The following RBFOX3 variants were observed in gnomAD, a reference collection of about 807,000 sequenced individuals.
RBFOX3 encodes the protein RNA binding fox-1 homolog 3, also known as RNA binding protein fox-1 homolog 3.
In RBFOX3, 17 loss-of-function variants were observed where a neutral mutation model predicts 48.7. The observed-to-expected ratio is 0.35, with a 90% CI of 0.24 to 0.52. RBFOX3 has a LOEUF of 0.52. Among genes scored for constraint, RBFOX3 ranks in the 20% least tolerant of loss-of-function variants. RBFOX3 has a pLI of 0.94. For missense variants in RBFOX3, 382 were observed against 497.5 expected, an observed-to-expected ratio of 0.77 and a Z score of 2.21; for synonymous variants, 212 against 209.5, an observed-to-expected ratio of 1.01 and a Z score of -0.10.
intron 5 of RBFOX3, among the ~76,000 whole-genome samples, chr17:79,115,223 C>T (rs1014614592): frequency 6.6e-6 from 1 of 152,228 alleles, no homozygotes; most frequent in South Asian, 2.1e-4. Context: ...GTGGCTGCCA[C>T]CCCACCCCTA....
chr17:79,307,340 A>C (rs910054629), intron 3 of RBFOX3, among the ~76,000 whole-genome samples: 2 of 152,240 alleles, frequency 1.3e-5, no homozygotes, highest in African/African-American at 4.8e-5. Context: ...GGGAGGCGAA[A>C]TGACATTTCA....
chr17:79,425,969 C>T (rs912894471), intron 2 of RBFOX3, among the ~76,000 whole-genome samples: 4 of 152,064 alleles, frequency 2.6e-5, no homozygotes, highest in Admixed American at 6.5e-5. Flanking sequence ...GGAAGACAGA[C>T]GCGGTGACCA....
chr17:79,318,854 CAAAAAAAAA>C (rs71161660), intron 2 of RBFOX3, among the ~76,000 whole-genome samples: 5 of 32,524 alleles, frequency 1.5e-4, no homozygotes, highest in African/African-American at 5.8e-4. Flanking sequence ...GACTCCATCT[CAAAAAAAAA>C]AAAAAAAAAA....
intron 3 of RBFOX3, among the ~76,000 whole-genome samples, chr17:79,246,777 G>A (rs1022673973): frequency 6.6e-6 from 1 of 152,226 alleles, no homozygotes; most frequent in East Asian, 1.9e-4. Flanking sequence ...TGGCTGGACC[G>A]AGGACGCGGC....
At chr17:79,283,237 G>T (rs2071012873) in intron 3 of RBFOX3, among the ~76,000 whole-genome samples, 1 of 151,198 alleles carries the variant, frequency 6.6e-6, no homozygotes, top group Non-Finnish European at 1.5e-5. Flanking sequence ...GTCTGCCTGT[G>T]CTAAGGTAAT....
chr17:79,097,655 T>C, intron 10 of RBFOX3, 37 bp downstream of exon 10: 2 of 1,381,388 alleles, frequency 1.4e-6, no homozygotes, highest in Admixed American at 2.2e-5. Flanking sequence ...GCCAAGTAGC[T>C]GGTCTCATCC....
chr17:79,272,171 A>G (rs994791367), intron 3 of RBFOX3, among the ~76,000 whole-genome samples: 3 of 152,194 alleles, frequency 2.0e-5, no homozygotes, highest in Admixed American at 6.5e-5. Context: ...GTCCAGGCTT[A>G]GAGACCAGAA....
chr17:79,536,230 C>T (rs1486559098), intron 1 of RBFOX3, among the ~76,000 whole-genome samples: 1 of 152,226 alleles, frequency 6.6e-6, no homozygotes, highest in East Asian at 1.9e-4. Flanking sequence ...GTGTGCACCA[C>T]TACCACCCAG....
intron 4 of RBFOX3, among the ~76,000 whole-genome samples, chr17:79,229,382 C>T (rs926300703): frequency 6.7e-6 from 1 of 150,288 alleles, no homozygotes; most frequent in African/African-American, 2.4e-5. Context: ...CATGGTGAAA[C>T]ACCATCTCTA....
chr17:79,292,835 C>G (rs1445142886), intron 3 of RBFOX3, among the ~76,000 whole-genome samples: 1 of 152,198 alleles, frequency 6.6e-6, no homozygotes, highest in Non-Finnish European at 1.5e-5. Context: ...ATCACCCATT[C>G]CCTTTATATT....
chr17:79,404,057 C>T (rs1053508357), intron 2 of RBFOX3, among the ~76,000 whole-genome samples: 23 of 152,298 alleles, frequency 1.5e-4, no homozygotes, highest in African/African-American at 3.6e-4. Flanking sequence ...GGATTACAGG[C>T]GTGAACCACC....
chr17:79,493,150 G>A (rs902096701), intron 1 of RBFOX3, among the ~76,000 whole-genome samples: 5 of 152,080 alleles, frequency 3.3e-5, no homozygotes, highest in South Asian at 2.1e-4. Context: ...CGTATCACAC[G>A]GCAAGAGGGG....
At position 79,458,073 on chromosome 17, in the gene RBFOX3, C is replaced by T. The variant is rs549168877; in HGVS notation, c.-175+24381G>A. Among the ~76,000 whole-genome samples the T allele has an allele frequency of 1.9e-4, 29 of 152,256 alleles. 1 individual carries two copies. Among genetic ancestry groups the T allele is most frequent in the Admixed American group, 6.5e-4 (10 of 15,298 alleles). On this transcript the variant is annotated intron_variant, in intron 2 of 14. Coordinates refer to ENST00000693108, the MANE Select transcript of RBFOX3 (RefSeq NM_001350451.2). ...GGCCATCTTTGCAGGGCGGGGGACC[C>T]GGGTGTGCCTCCCCAGGTGGGTAAC...
Position 79,362,644 on chromosome 17 carries a change from C to T in RBFOX3, c.-174-54820G>A, listed in dbSNP as rs975208958. ...CCTGGCGCCCCAGGAAAATGAGAGC[C>T]GGCCTGCCGGGCAATTGCTTCCTGT... is the stretch of plus-strand genomic sequence containing the variant. On this transcript the variant is annotated intron_variant, in intron 2 of 14. Coordinates refer to ENST00000693108, the MANE Select transcript of RBFOX3 (RefSeq NM_001350451.2). This position sits in a 1 kb window ranked among gnomAD's most constrained non-coding sequence, Gnocchi z 4.2. 3.3e-5 allele frequency among the ~76,000 whole-genome samples: 5 copies of T among 152,312 alleles called. No homozygotes were observed. The highest frequency in any genetic ancestry group is 2.1e-4 in the South Asian group (1 of 4,830).
intron 3 of RBFOX3, among the ~76,000 whole-genome samples, chr17:79,250,381 A>G (rs558553459): frequency 2.1e-4 from 32 of 152,332 alleles, no homozygotes; most frequent in Admixed American, 6.5e-4. Flanking sequence ...CTGAGACGGA[A>G]CACGATAAAT....
chr17:79,511,300 G>A (rs2084157278), intron 1 of RBFOX3, among the ~76,000 whole-genome samples: 1 of 152,208 alleles, frequency 6.6e-6, no homozygotes, highest in Admixed American at 6.5e-5. Context: ...GGGGTGTCAT[G>A]CAGTATGACA....
chr17:79,165,137 T>C (rs1415688133), intron 4 of RBFOX3, among the ~76,000 whole-genome samples: 1 of 151,972 alleles, frequency 6.6e-6, no homozygotes, highest in African/African-American at 2.4e-5. Flanking sequence ...GCGGGAGACA[T>C]GGGCTGGTGT....
intron 3 of RBFOX3, among the ~76,000 whole-genome samples, chr17:79,256,914 A>T (rs538280249): frequency 9.9e-5 from 15 of 151,518 alleles, no homozygotes; most frequent in Admixed American, 4.6e-4. Flanking sequence ...AGAGTGAGAC[A>T]CCATCTCAAA....
chr17:79,246,446 T>C (rs1243358665), intron 3 of RBFOX3, among the ~76,000 whole-genome samples: 1 of 152,260 alleles, frequency 6.6e-6, no homozygotes, highest in African/African-American at 2.4e-5. Context: ...TTCCTTCTAC[T>C]GTGAACCTAA....
Sources: allele counts gnomAD v4.1 joint callset (sites outside exome capture counted in the v4.1 genomes callset), GRCh38; gene constraint gnomAD v4.1.1; non-coding constraint Gnocchi (gnomAD v3.1); transcripts MANE v1.5; gene names NCBI Gene and HGNC (gene_info 2026-07-23, HGNC 2026-07-21).